Variants in NOL4 observed in about 807,000 individuals in gnomAD.
NOL4 encodes cancer/testis antigen 125.
Under a neutral mutation model 75.9 loss-of-function variants are expected in NOL4, and 17 were observed. The observed-to-expected ratio is 0.22, with a 90% CI of 0.15 to 0.34. The LOEUF (loss-of-function observed/expected upper bound fraction) is 0.34, where lower values mean the gene tolerates loss of function less well. NOL4 is among the 10% of genes least tolerant of loss of function. NOL4 has a pLI of 1.00. For missense variants in NOL4, 614 were observed against 793.5 expected, an observed-to-expected ratio of 0.77 and a Z score of 2.72; for synonymous variants, 292 against 289.9, an observed-to-expected ratio of 1.01 and a Z score of -0.07.
At chr18:33,941,404 G>A (rs190609661) in intron 9 of NOL4, among the ~76,000 whole-genome samples, 2 of 152,022 alleles carry the variant, frequency 1.3e-5, no homozygotes, top group African/African-American at 4.8e-5. Context: ...ACAACCAGGA[G>A]AGCCCTTTTA....
intron 1 of NOL4, among the ~76,000 whole-genome samples, chr18:34,146,070 C>A (rs2146040108): frequency 6.6e-6 from 1 of 152,200 alleles, no homozygotes; most frequent in South Asian, 2.1e-4. Context: ...TGTGCAGATG[C>A]TGGCTAAGTG....
intron 1 of NOL4, among the ~76,000 whole-genome samples, chr18:34,200,505 T>C (rs1159165309): frequency 6.6e-6 from 1 of 151,852 alleles, no homozygotes; most frequent in Non-Finnish European, 1.5e-5. Context: ...AGATGACAGT[T>C]TATTCTTTAA....
At chr18:34,101,030 G>A (rs957122715) in intron 4 of NOL4, among the ~76,000 whole-genome samples, 6 of 152,068 alleles carry the variant, frequency 3.9e-5, no homozygotes, top group African/African-American at 1.4e-4. Context: ...TGACTTTCAT[G>A]CTTCACATCG....
intron 9 of NOL4, among the ~76,000 whole-genome samples, chr18:33,902,809 T>C (rs1165223627): frequency 6.6e-6 from 1 of 152,166 alleles, no homozygotes; most frequent in Non-Finnish European, 1.5e-5. Context: ...TTACATTTTA[T>C]CAAAATAATC....
At chr18:34,216,363 A>G (rs2036886720) in intron 1 of NOL4, among the ~76,000 whole-genome samples, 1 of 152,174 alleles carries the variant, frequency 6.6e-6, no homozygotes, top group African/African-American at 2.4e-5. Flanking sequence ...GTTGTCCTTC[A>G]AGGATAAAGG....
At chr18:33,984,733 T>C (rs1054232027) in intron 6 of NOL4, among the ~76,000 whole-genome samples, 5 of 152,120 alleles carry the variant, frequency 3.3e-5, no homozygotes, top group Non-Finnish European at 5.9e-5. Context: ...TAAAGCTCTT[T>C]CCTTAGATTA....
At chr18:33,927,607 G>A (rs1286323475) in intron 9 of NOL4, among the ~76,000 whole-genome samples, 1 of 151,986 alleles carries the variant, frequency 6.6e-6, no homozygotes, top group South Asian at 2.1e-4. Context: ...TCTTCCTGAG[G>A]GTGGAAATTT....
chr18:34,222,017 C>T, intron 1 of NOL4: 1 of 1,534,934 alleles, frequency 6.5e-7, no homozygotes, highest in African/African-American at 1.4e-5. Context: ...GGCGAGTACC[C>T]ACCGTGGCAT....
At chr18:34,069,979 C>T (rs1294156399) in intron 5 of NOL4, among the ~76,000 whole-genome samples, 1 of 152,238 alleles carries the variant, frequency 6.6e-6, no homozygotes, top group Non-Finnish European at 1.5e-5. Context: ...CCACCTCCAG[C>T]TTCGCTATGC....
chr18:33,896,219 C>G (rs753036275), intron 9 of NOL4, among the ~76,000 whole-genome samples: 1 of 152,070 alleles, frequency 6.6e-6, no homozygotes, highest in Non-Finnish European at 1.5e-5. Context: ...TAAAATGGCT[C>G]TACTGCCCAA....
chr18:34,092,705 T>C (rs1279719750), intron 5 of NOL4, among the ~76,000 whole-genome samples: 1 of 152,168 alleles, frequency 6.6e-6, no homozygotes, highest in South Asian at 2.1e-4. Context: ...CCAATTTCCT[T>C]CTATTTAAAA....
chr18:34,173,867 C>T (rs1423602954), intron 1 of NOL4, among the ~76,000 whole-genome samples: 1 of 152,160 alleles, frequency 6.6e-6, no homozygotes, highest in Non-Finnish European at 1.5e-5. Context: ...ATCCTCTGAA[C>T]ATGAGTGATA....
intron 5 of NOL4, among the ~76,000 whole-genome samples, chr18:34,035,068 G>T (rs2075824737): frequency 6.6e-6 from 1 of 151,998 alleles, no homozygotes; most frequent in South Asian, 2.1e-4. Flanking sequence ...CTAGACAGAA[G>T]ATCTACAAGG....
intron 1 of NOL4, among the ~76,000 whole-genome samples, chr18:34,215,355 C>T (rs929263603): frequency 1.3e-5 from 2 of 152,128 alleles, no homozygotes; most frequent in African/African-American, 2.4e-5. Context: ...AAATGCATCA[C>T]CCATTATGCC....
intron 6 of NOL4, among the ~76,000 whole-genome samples, chr18:33,971,731 C>A (rs1196599905): frequency 1.3e-5 from 2 of 152,110 alleles, no homozygotes; most frequent in Non-Finnish European, 2.9e-5. Context: ...AGGTTCCAAG[C>A]CTGATTCTCC....
Position 34,223,006 on chromosome 18 carries a change from A to G in NOL4, c.248T>C (p.Val83Ala). ...GGGGAKQVLYVPVKTTDGVGV... is the reference protein window; with the variant it reads ...GGGGAKQVLYAPVKTTDGVGV... The stretch of plus-strand genomic sequence containing the variant: ...GTCACTCACCGTGGTCTTGACAGGC[A>G]CGTAGAGCACTTGCTTGGCGCCGCC... The change falls in exon 1 of 11, where the codon GTG becomes GCG. Residue 83 changes from valine (V) to alanine (A), a missense_variant. This residue lies in a region of NOL4 where 49 missense variants were observed against 39.6 expected (regional missense o/e 1.24). Transcript: ENST00000261592. 6.2e-7 allele frequency: 1 copy of G among 1,608,962 alleles called. No individual in the cohort carries two copies. Among genetic ancestry groups the G allele is most frequent in the Non-Finnish European group, 8.5e-7 (1 of 1,179,828 alleles).
intron 5 of NOL4, among the ~76,000 whole-genome samples, chr18:34,020,005 C>T (rs1206818543): frequency 6.6e-6 from 1 of 151,966 alleles, no homozygotes; most frequent in Non-Finnish European, 1.5e-5. Flanking sequence ...TGCTCCCTCT[C>T]TCACCATGAG....
At chr18:33,937,638 T>C (rs967424516) in intron 9 of NOL4, among the ~76,000 whole-genome samples, 9 of 152,022 alleles carry the variant, frequency 5.9e-5, no homozygotes, top group South Asian at 2.1e-4. Flanking sequence ...CTCTCTCTAG[T>C]TGGGCAAAGA....
intron 10 of NOL4, among the ~76,000 whole-genome samples, chr18:33,867,967 AGTCTTCAATTGATGGGATGAT>A (rs2144420917): frequency 6.6e-6 from 1 of 152,162 alleles, no homozygotes; most frequent in African/African-American, 2.4e-5. Flanking sequence ...GTCCTTCTCA[AGTCTTCAATTGATGGGATGAT>A]GTCCACCTAC....
Sources: allele counts gnomAD v4.1 joint callset (sites outside exome capture counted in the v4.1 genomes callset), GRCh38; gene constraint gnomAD v4.1.1; regional missense constraint gnomAD v4.1.1; transcripts MANE v1.5; gene names NCBI Gene and HGNC (gene_info 2026-07-23, HGNC 2026-07-21).